Variants in SENP5 observed in about 807,000 individuals in gnomAD.
SENP5 encodes the protein sentrin-specific protease 5.
Under a neutral mutation model 74.2 loss-of-function variants are expected in SENP5, and 21 were observed. That is an observed-to-expected ratio of 0.28 (90% confidence interval 0.20 to 0.41). The LOEUF (loss-of-function observed/expected upper bound fraction) is 0.41, where lower values mean the gene tolerates loss of function less well. SENP5 is among the 10% of genes least tolerant of loss of function. The pLI is 1.00. For synonymous variants in SENP5, 311 were observed against 312.7 expected (o/e 0.99, Z 0.06); for missense variants, 717 against 889.1 (o/e 0.81, Z 2.46).
At chr3:196,874,834 G>A (rs984060357) in intron 1 of SENP5, among the ~76,000 whole-genome samples, 1 of 151,770 alleles carries the variant, frequency 6.6e-6, no homozygotes, top group Non-Finnish European at 1.5e-5. Flanking sequence ...AGCTGAGATC[G>A]TGCCATTGTA....
chr3:196,918,987 A>ATCTG, intron 6 of SENP5, among the ~76,000 whole-genome samples: 1 of 152,280 alleles, frequency 6.6e-6, no homozygotes, highest in East Asian at 1.9e-4. Flanking sequence ...GTATCTATCT[A>ATCTG]TCTATCTATC....
intron 2 of SENP5, among the ~76,000 whole-genome samples, chr3:196,889,165 A>G (rs149192471): frequency 6.6e-6 from 1 of 151,844 alleles, no homozygotes; most frequent in Non-Finnish European, 1.5e-5. Context: ...CCTCATAGAA[A>G]GACACAAAGT....
chr3:196,918,557 C>A (rs929053195), intron 6 of SENP5, among the ~76,000 whole-genome samples: 1 of 151,708 alleles, frequency 6.6e-6, no homozygotes, highest in Admixed American at 6.6e-5. Flanking sequence ...TAAAACTATA[C>A]TACCAGAGAA....
intron 6 of SENP5, chr3:196,914,586 A>AAAAAAAAAATATATATATAT: frequency 1.6e-3 from 55 of 33,462 alleles, no homozygotes; most frequent in African/African-American, 2.1e-3. Flanking sequence ...AAAAAAAAAA[A>AAAAAAAAAATATATATATAT]ATATATATAT....
intron 2 of SENP5, among the ~76,000 whole-genome samples, chr3:196,895,662 C>CATTGT (rs1714413741): frequency 6.6e-6 from 1 of 152,126 alleles, no homozygotes; most frequent in Non-Finnish European, 1.5e-5. Context: ...GCTGGGACTA[C>CATTGT]AGGCATGTGC....
At chr3:196,878,312 C>A (rs1713569004) in intron 1 of SENP5, among the ~76,000 whole-genome samples, 1 of 152,108 alleles carries the variant, frequency 6.6e-6, no homozygotes, top group Admixed American at 6.6e-5. Context: ...TCCTGACCTC[C>A]CTTTCTTCTC....
intron 2 of SENP5, among the ~76,000 whole-genome samples, chr3:196,898,566 G>C (rs953513122): frequency 6.6e-6 from 1 of 151,866 alleles, no homozygotes; most frequent in African/African-American, 2.4e-5. Flanking sequence ...CTATGCCCCA[G>C]CTGGGATGAT....
At chr3:196,922,707 G>A (rs1057039579) in intron 6 of SENP5, among the ~76,000 whole-genome samples, 4 of 152,042 alleles carry the variant, frequency 2.6e-5, no homozygotes, top group African/African-American at 9.7e-5. Flanking sequence ...TGCAACCTCC[G>A]CCTCCCAGGC....
rs781283900 is a variant in SENP5 at position 196,887,084 on chromosome 3, CAG to C, written c.1513+393_1513+394del. ...TAAGCTTTGGCAGTCTTACAGATCA[CAG>C]AGTTTTGTTTTAATTTGCATTTTTG... On this transcript the variant is annotated intron_variant, in intron 2 of 9. Coordinates refer to ENST00000323460, the MANE Select transcript of SENP5 (RefSeq NM_152699.5). 7.2e-5 allele frequency among the ~76,000 whole-genome samples: 11 copies of C among 152,288 alleles called. No homozygotes were observed. In the East Asian group the frequency reaches 7.7e-4, roughly 11 times the overall value.
rs535437405 is a variant in SENP5 at position 196,884,128 on chromosome 3, G to A, written c.-31-1023G>A. Among the ~76,000 whole-genome samples the A allele has an allele frequency of 7.2e-5, 11 of 152,270 alleles. No individual in the cohort carries two copies. The South Asian group carries it at 1.5e-3, about 20-fold the overall frequency. The stretch of plus-strand genomic sequence containing the variant: ...TTTCATACAGCAGATTTTTAAAAGA[G>A]CAGGTACTTTTGTTCTGTATAGTCA... On this transcript the variant is annotated intron_variant, in intron 1 of 9. Coordinates refer to ENST00000323460, the MANE Select transcript of SENP5 (RefSeq NM_152699.5).
intron 3 of SENP5, 73 bp downstream of exon 3, chr3:196,899,844 CAGA>C (rs1714622467): frequency 1.9e-6 from 3 of 1,572,360 alleles, no homozygotes; most frequent in Admixed American, 3.7e-5. Context: ...TCTTGATTTA[CAGA>C]AGAAAAGATA....
intron 1 of SENP5, among the ~76,000 whole-genome samples, chr3:196,880,087 A>T (rs995969738): frequency 6.6e-6 from 1 of 152,012 alleles, no homozygotes; most frequent in Non-Finnish European, 1.5e-5. Context: ...CTGGGATTAC[A>T]GGTTCATGCC....
chr3:196,892,124 A>G (rs1183899802), intron 2 of SENP5, among the ~76,000 whole-genome samples: 3 of 150,100 alleles, frequency 2.0e-5, no homozygotes, highest in Admixed American at 6.6e-5. Flanking sequence ...AAAAAAATAC[A>G]GGAAATCATT....
chr3:196,903,411 A>G (rs1360294591), intron 5 of SENP5, 122 bp from the exon 6 acceptor site: 8 of 559,488 alleles, frequency 1.4e-5, no homozygotes, highest in East Asian at 3.2e-5. Flanking sequence ...TGTTTTTATG[A>G]AGAAATTTTT....
intron 2 of SENP5, among the ~76,000 whole-genome samples, chr3:196,894,034 A>T (rs943166027): frequency 6.6e-6 from 1 of 152,104 alleles, no homozygotes; most frequent in Non-Finnish European, 1.5e-5. Flanking sequence ...ATGAGAAAAA[A>T]TAACTACTTA....
chr3:196,915,079 G>A (rs1715317281), intron 6 of SENP5, among the ~76,000 whole-genome samples: 1 of 152,226 alleles, frequency 6.6e-6, no homozygotes. Flanking sequence ...CGCCCCAGCG[G>A]TAGGAACCTG....
chr3:196,868,080 G>A lies in SENP5; in HGVS notation c.-32+7G>A, dbSNP rs1397027670. 1 of 152,328 alleles carries A rather than the reference G, an allele frequency of 6.6e-6. No homozygotes were observed. Among genetic ancestry groups the A allele is most frequent in the Non-Finnish European group, 1.5e-5 (1 of 68,122 alleles). 9.4% of individuals were successfully genotyped at this position (152,328 alleles called of 1,614,324 possible). A position where few individuals can be genotyped will look rare whatever the true frequency, so the allele number is the denominator to read the frequency against. On this transcript the variant is annotated splice_region_variant and intron_variant, in intron 1 of 9. Transcript: ENST00000323460. ...CCAGGAACGAGGGTAGCAGGTAAGC[G>A]GGGACGCGGGCAGACGAGTGACGGA...
At chr3:196,909,979 A>G (rs1377141455) in intron 6 of SENP5, among the ~76,000 whole-genome samples, 1 of 152,190 alleles carries the variant, frequency 6.6e-6, no homozygotes, top group East Asian at 1.9e-4. Flanking sequence ...TGCAGATGGC[A>G]TGATTCTATA....
chr3:196,877,795 A>G (rs954790331), intron 1 of SENP5, among the ~76,000 whole-genome samples: 2 of 152,224 alleles, frequency 1.3e-5, no homozygotes, highest in Admixed American at 6.5e-5. Flanking sequence ...CCTTGGGCAC[A>G]GTTTGGGAAC....
Sources: allele counts gnomAD v4.1 joint callset (sites outside exome capture counted in the v4.1 genomes callset), GRCh38; gene constraint gnomAD v4.1.1; transcripts MANE v1.5; gene names NCBI Gene and HGNC (gene_info 2026-07-23, HGNC 2026-07-21).